The following PPARG variants were observed in gnomAD, a reference collection of about 807,000 sequenced individuals.
PPARG encodes the protein peroxisome proliferator-activated receptor gamma.
Under a neutral mutation model 39.2 loss-of-function variants are expected in PPARG, and 17 were observed. That is an observed-to-expected ratio of 0.43 (90% CI 0.30 to 0.65). The LOEUF (loss-of-function observed/expected upper bound fraction) is 0.65, where lower values mean the gene tolerates loss of function less well. Among genes scored for constraint, PPARG ranks in the 30% least tolerant of loss-of-function variants. The pLI, the probability that PPARG is intolerant of heterozygous loss-of-function variation, is 0.13. For missense variants in PPARG, 406 were observed against 585.9 expected, an observed-to-expected ratio of 0.69 and a Z score of 3.17; for synonymous variants, 223 against 215.7, an observed-to-expected ratio of 1.03 and a Z score of -0.30.
intron 2 of PPARG, among the ~76,000 whole-genome samples, chr3:12,372,532 G>A (rs1354880619): frequency 6.6e-6 from 1 of 152,188 alleles, no homozygotes; most frequent in African/African-American, 2.4e-5. Flanking sequence ...GTAGTACTTT[G>A]CACAGATTTA....
At chr3:12,402,861 G>A (rs2125244743) in intron 5 of PPARG, among the ~76,000 whole-genome samples, 1 of 152,248 alleles carries the variant, frequency 6.6e-6, no homozygotes. Flanking sequence ...GACCCACTCA[G>A]ATACCAAAAT....
At chr3:12,417,888 C>CTTTTTTTTTTTTTTTTTTTTTTTTTTTT (rs1240237792) in intron 7 of PPARG, among the ~76,000 whole-genome samples, 5 of 64,064 alleles carry the variant, frequency 7.8e-5, no homozygotes, top group Admixed American at 1.6e-4. Context: ...TTTTTTTTTT[C>CTTTTTTTTTTTTTTTTTTTTTTTTTTTT]TTTTTTTTTT....
intron 2 of PPARG, chr3:12,328,181 T>C (rs1574998221): frequency 7.3e-7 from 1 of 1,368,810 alleles, no homozygotes; most frequent in Non-Finnish European, 1.0e-6. Flanking sequence ...AAGAAAAAAT[T>C]AAAGAACTAG....
Position 12,417,293 on chromosome 3 carries a change from C to T in PPARG, c.1180+139C>T, listed in dbSNP as rs150870394. 193 of 881,640 alleles carry T rather than the reference C, an allele frequency of 2.2e-4. 1 individual carries two copies. In the East Asian group the frequency reaches 4.0e-3, roughly 18 times the overall value. The allele number at this position is 881,640 out of a possible 1,614,324, so 54.6% of individuals were successfully genotyped here. On this transcript the variant is annotated intron_variant, in intron 7 of 7. Coordinates refer to ENST00000651735, the MANE Select transcript of PPARG (RefSeq NM_138711.6). ...CATGATGCCATGAATCATCACTACA[C>T]GTGCAAAACACTGTACCAAGAAAGA...
intron 2 of PPARG, among the ~76,000 whole-genome samples, chr3:12,334,220 C>A (rs554101977): frequency 1.2e-4 from 18 of 150,832 alleles, no homozygotes; most frequent in Middle Eastern, 3.5e-3. Context: ...ATTTTATTTT[C>A]TTTTCTTTTT....
intron 1 of PPARG, among the ~76,000 whole-genome samples, chr3:12,308,113 C>G (rs964938110): frequency 2.0e-5 from 3 of 151,926 alleles, no homozygotes; most frequent in African/African-American, 4.8e-5. Flanking sequence ...ACCTGTAATC[C>G]CAGCACTTTG....
At chr3:12,315,825 TTG>T (rs1323697209) in intron 2 of PPARG, among the ~76,000 whole-genome samples, 1 of 152,170 alleles carries the variant, frequency 6.6e-6, no homozygotes, top group Non-Finnish European at 1.5e-5. Context: ...GCAGTGTTTT[TTG>T]TTGGTGACAG....
chr3:12,389,797 T>C (rs4135265), intron 4 of PPARG, among the ~76,000 whole-genome samples: 5,703 of 152,216 alleles, frequency 0.037, 296 homozygotes, highest in East Asian at 0.29. Flanking sequence ...CCCAGAAGGC[T>C]GAGGCCCAAG....
chr3:12,350,194 G>A (rs936984643), intron 2 of PPARG, among the ~76,000 whole-genome samples: 1 of 152,166 alleles, frequency 6.6e-6, no homozygotes, highest in African/African-American at 2.4e-5. Flanking sequence ...TTACACAACT[G>A]TAATCACTGT....
rs914282169 is a variant in PPARG at position 12,289,805 on chromosome 3, A to T, written c.-83+671A>T. ...GGAGTTTGACAGAAGACACTCATAG[A>T]TGCTACCAGTTAGCATTTGGAGTAA... On this transcript the variant is annotated intron_variant, in intron 1 of 7. Coordinates refer to ENST00000651735, the MANE Select transcript of PPARG (RefSeq NM_138711.6). Among the ~76,000 whole-genome samples, 33 of 152,312 alleles carry T rather than the reference A, an allele frequency of 2.2e-4. 1 individual carries two copies. The highest frequency in any genetic ancestry group is 4.4e-4 in the Non-Finnish European group (30 of 68,016).
At chr3:12,365,306 GA>G (rs1480987398) in intron 2 of PPARG, among the ~76,000 whole-genome samples, 1 of 152,182 alleles carries the variant, frequency 6.6e-6, no homozygotes, top group African/African-American at 2.4e-5. Flanking sequence ...GTTTTGTACA[GA>G]TACATTCTCC....
chr3:12,337,502 C>T (rs2048047530), intron 2 of PPARG, among the ~76,000 whole-genome samples: 1 of 152,152 alleles, frequency 6.6e-6, no homozygotes, highest in Non-Finnish European at 1.5e-5. Context: ...CCTTTTAACA[C>T]TTAAAATTCA....
chr3:12,401,357 G>C (rs1267858709), intron 5 of PPARG, among the ~76,000 whole-genome samples: 1 of 152,198 alleles, frequency 6.6e-6, no homozygotes, highest in Non-Finnish European at 1.5e-5. Context: ...TTCTTTCTCT[G>C]TGGGAGAGGT....
intron 2 of PPARG, among the ~76,000 whole-genome samples, chr3:12,338,321 T>G (rs548209874): frequency 6.6e-6 from 1 of 152,368 alleles, no homozygotes; most frequent in African/African-American, 2.4e-5. Context: ...ATTGGCTGTG[T>G]GATTTTTGCA....
intron 2 of PPARG, among the ~76,000 whole-genome samples, chr3:12,343,048 G>T (rs2048229464): frequency 6.6e-6 from 1 of 152,154 alleles, no homozygotes; most frequent in South Asian, 2.1e-4. Flanking sequence ...CACACGTACA[G>T]TATTATTTAA....
intron 6 of PPARG, 125 bp from the exon 7 acceptor site, chr3:12,416,579 T>C: frequency 1.1e-6 from 1 of 877,480 alleles, no homozygotes; most frequent in Non-Finnish European, 1.8e-6. Context: ...TTATTAAGCA[T>C]CTTCAGCTTT....
At chr3:12,339,486 T>G (rs973732465) in intron 2 of PPARG, among the ~76,000 whole-genome samples, 1 of 152,194 alleles carries the variant, frequency 6.6e-6, no homozygotes, top group Non-Finnish European at 1.5e-5. Flanking sequence ...AATAACGCTG[T>G]TTTAAAAGCT....
intron 1 of PPARG, among the ~76,000 whole-genome samples, chr3:12,303,164 G>A (rs747164384): frequency 6.6e-6 from 1 of 152,068 alleles, no homozygotes; most frequent in Non-Finnish European, 1.5e-5. Context: ...CCTAAAGGAT[G>A]AATGAGTGGA....
chr3:12,288,679 T>A (rs2046571614), upstream of PPARG, among the ~76,000 whole-genome samples: 1 of 152,004 alleles, frequency 6.6e-6, no homozygotes, highest in South Asian at 2.1e-4. Context: ...AGGGGCGCGC[T>A]TGTAGCTGGC....
Sources: allele counts gnomAD v4.1 joint callset (sites outside exome capture counted in the v4.1 genomes callset), GRCh38; gene constraint gnomAD v4.1.1; transcripts MANE v1.5; gene names NCBI Gene and HGNC (gene_info 2026-07-23, HGNC 2026-07-21).